Variants in SDCCAG8 observed in about 807,000 individuals in gnomAD.
SDCCAG8 encodes serologically defined colon cancer antigen 8.
SDCCAG8 carries 74 observed loss-of-function variants against 101.8 expected under a neutral mutation model. That is an observed-to-expected ratio of 0.73 (90% CI 0.60 to 0.88). The LOEUF is 0.88. Among genes scored for constraint, SDCCAG8 ranks in the 40% least tolerant of loss-of-function variants. The probability of loss-of-function intolerance (pLI) is 0.00; values close to 1 mark genes in which losing one functional copy is unlikely to be tolerated. For synonymous variants in SDCCAG8, 281 were observed against 292.9 expected (o/e 0.96, Z 0.41); for missense variants, 787 against 822.6 (o/e 0.96, Z 0.53).
chr1:243,474,364 A>G lies in SDCCAG8; in HGVS notation c.1986-14650A>G, dbSNP rs1394282792. Among the ~76,000 whole-genome samples the G allele has an allele frequency of 1.3e-5, 2 of 152,132 alleles. No homozygotes were observed. The highest frequency in any genetic ancestry group is 2.9e-5 in the Non-Finnish European group (2 of 67,988). ...GAGCCCCCGTGGAGTCGCCTGAGCC[A>G]GATGCTCCGCACCCAGCCTCCCCAA... On this transcript the variant is annotated intron_variant, in intron 16 of 17. Transcript: ENST00000366541. This position sits in a 1 kb window ranked among gnomAD's most constrained non-coding sequence, Gnocchi z 4.7.
At chr1:243,305,793 A>G (rs2072034905) in intron 7 of SDCCAG8, 1 of 152,236 alleles carries the variant, frequency 6.6e-6, no homozygotes, top group African/African-American at 2.4e-5. Context: ...GAGTAATACT[A>G]AGAGCCAGAA....
intron 12 of SDCCAG8, among the ~76,000 whole-genome samples, chr1:243,348,511 G>A (rs112640317): frequency 0.028 from 4,271 of 152,132 alleles, 95 homozygotes; most frequent in Middle Eastern, 0.082. Flanking sequence ...CCAGTGCCCT[G>A]GTCCCACCCT....
chr1:243,346,825 C>A (rs1008065343), intron 12 of SDCCAG8, among the ~76,000 whole-genome samples: 1 of 152,148 alleles, frequency 6.6e-6, no homozygotes. Context: ...GTGAAATATG[C>A]TCTTTGATTT....
chr1:243,257,160 T>G (rs1405870159), intron 1 of SDCCAG8, among the ~76,000 whole-genome samples: 2 of 152,248 alleles, frequency 1.3e-5, no homozygotes, highest in Non-Finnish European at 2.9e-5. Context: ...AATGTTTACC[T>G]ATAGTAAGAA....
intron 16 of SDCCAG8, among the ~76,000 whole-genome samples, chr1:243,435,143 A>G (rs942439754): frequency 9.2e-5 from 14 of 152,224 alleles, no homozygotes; most frequent in African/African-American, 3.1e-4. Flanking sequence ...AGCTACCTTC[A>G]AGATCTAGTC....
intron 12 of SDCCAG8, among the ~76,000 whole-genome samples, chr1:243,354,737 A>G (rs1426268973): frequency 6.6e-6 from 1 of 152,234 alleles, no homozygotes; most frequent in Non-Finnish European, 1.5e-5. Flanking sequence ...TTGCCCTCAT[A>G]AATGCAAGCA....
At chr1:243,360,294 C>T (rs1262921177) in intron 12 of SDCCAG8, among the ~76,000 whole-genome samples, 3 of 151,792 alleles carry the variant, frequency 2.0e-5, no homozygotes, top group South Asian at 4.2e-4. Context: ...TACAGGCACC[C>T]GCCACTATGC....
chr1:243,355,323 TC>T (rs1314005675), intron 12 of SDCCAG8, among the ~76,000 whole-genome samples: 19 of 151,834 alleles, frequency 1.3e-4, no homozygotes, highest in African/African-American at 4.6e-4. Flanking sequence ...CTTCTCTCTC[TC>T]TCTCTCTCTC....
intron 7 of SDCCAG8, chr1:243,305,659 A>G (rs1323794792): frequency 6.6e-6 from 1 of 152,236 alleles, no homozygotes; most frequent in Non-Finnish European, 1.5e-5. Flanking sequence ...TTATTTTTAA[A>G]TAGTAGTAAT....
At chr1:243,469,777 A>G (rs1303155509) in intron 16 of SDCCAG8, among the ~76,000 whole-genome samples, 1 of 149,682 alleles carries the variant, frequency 6.7e-6, no homozygotes, top group Non-Finnish European at 1.5e-5. Context: ...GGAGATAGGC[A>G]TGGCCTTTTC....
At chr1:243,261,807 A>G (rs755914678) in intron 1 of SDCCAG8, among the ~76,000 whole-genome samples, 2 of 152,082 alleles carry the variant, frequency 1.3e-5, no homozygotes, top group Non-Finnish European at 2.9e-5. Context: ...ATAAAATTCA[A>G]ATTATACATA....
At chr1:243,286,248 T>G (rs1025419081) in intron 4 of SDCCAG8, 24 bp from the exon 5 acceptor site, 2 of 1,609,760 alleles carry the variant, frequency 1.2e-6, no homozygotes, top group African/African-American at 2.7e-5. Flanking sequence ...TAATGCTTAA[T>G]GTGTTTGGTT....
At chr1:243,368,813 A>T (rs2077130389) in intron 12 of SDCCAG8, among the ~76,000 whole-genome samples, 1 of 152,142 alleles carries the variant, frequency 6.6e-6, no homozygotes, top group South Asian at 2.1e-4. Flanking sequence ...AATCTTCACA[A>T]GTGAAGGCAA....
At chr1:243,330,485 A>G (rs768118328) in intron 9 of SDCCAG8, 55 bp from the exon 10 acceptor site, 32 of 1,563,750 alleles carry the variant, frequency 2.0e-5, no homozygotes, top group Non-Finnish European at 2.8e-5. Flanking sequence ...ATGTCATTTT[A>G]CCTATATTTT....
At chr1:243,466,264 T>C (rs1017759151) in intron 16 of SDCCAG8, among the ~76,000 whole-genome samples, 1 of 152,228 alleles carries the variant, frequency 6.6e-6, no homozygotes, top group Non-Finnish European at 1.5e-5. Context: ...AACCTTGTGA[T>C]GTATATAGGA....
rs1026880555 is a variant in SDCCAG8 at position 243,474,999 on chromosome 1, T to C, written c.1986-14015T>C. Among the ~76,000 whole-genome samples, 15 of 152,206 alleles carry C rather than the reference T, an allele frequency of 9.9e-5. No individual in the cohort carries two copies. Among genetic ancestry groups the C allele is most frequent in the Non-Finnish European group, 1.9e-4 (13 of 67,972 alleles). Reference sequence around the variant, plus strand: ...ACCCCATTGCCATGTGGGTCAGGGATTGGGGGAATGTCCGGATCCTGCCAA... The same window carrying C: ...ACCCCATTGCCATGTGGGTCAGGGACTGGGGGAATGTCCGGATCCTGCCAA... On this transcript the variant is annotated intron_variant, in intron 16 of 17. Transcript: ENST00000366541. This position sits in a 1 kb window ranked among gnomAD's most constrained non-coding sequence, Gnocchi z 4.7.
chr1:243,491,882 A>G (rs999958278), intron 17 of SDCCAG8, among the ~76,000 whole-genome samples: 1 of 152,182 alleles, frequency 6.6e-6, no homozygotes, highest in Non-Finnish European at 1.5e-5. Context: ...CCGTTTTCTC[A>G]GCCTGGATGA....
rs1177460803 is a variant in SDCCAG8, at chr1:243,500,063, T to C, written c.*278T>C. The C allele has an allele frequency of 2.2e-6, 1 of 446,770 alleles. No individual in the cohort carries two copies. Among genetic ancestry groups the C allele is most frequent in the Non-Finnish European group, 4.0e-6 (1 of 252,332 alleles). The allele number at this position is 446,770 out of a possible 1,614,324, so 27.7% of individuals were successfully genotyped here. On this transcript the variant is annotated 3_prime_UTR_variant, in exon 18 of 18. Coordinates refer to ENST00000366541, the MANE Select transcript of SDCCAG8 (RefSeq NM_006642.5). ...TCATTCGTATGCTAGGTTATACATA[T>C]GATTTTCAATAAATGAACTTTTTAA...
intron 16 of SDCCAG8, among the ~76,000 whole-genome samples, chr1:243,482,519 C>G (rs1178638062): frequency 6.6e-6 from 1 of 152,242 alleles, no homozygotes; most frequent in Admixed American, 6.5e-5. Context: ...CTGCTTTTCT[C>G]CCTCAGGGTC....
Sources: allele counts gnomAD v4.1 joint callset (sites outside exome capture counted in the v4.1 genomes callset), GRCh38; gene constraint gnomAD v4.1.1; non-coding constraint Gnocchi (gnomAD v3.1); transcripts MANE v1.5; gene names NCBI Gene and HGNC (gene_info 2026-07-23, HGNC 2026-07-21).